The following CDH18 variants were observed in gnomAD, a reference collection of about 807,000 sequenced individuals.
CDH18 encodes the protein cadherin 18.
Under a neutral mutation model 67.9 loss-of-function variants are expected in CDH18, and 31 were observed. That is an observed-to-expected ratio of 0.46 (90% CI 0.34 to 0.62). The LOEUF (loss-of-function observed/expected upper bound fraction) is 0.62. CDH18 is among the 20% of genes least tolerant of loss of function. The pLI, the probability that CDH18 is intolerant of heterozygous loss-of-function variation, is 0.01. For synonymous variants in CDH18, 362 were observed against 347.2 expected, an observed-to-expected ratio of 1.04 and a Z score of -0.48; for missense variants, 890 against 975.5, an observed-to-expected ratio of 0.91 and a Z score of 1.17.
intron 5 of CDH18, among the ~76,000 whole-genome samples, chr5:19,697,065 A>C (rs1762628321): frequency 1.3e-5 from 2 of 152,204 alleles, no homozygotes; most frequent in African/African-American, 4.8e-5. Flanking sequence ...CTTATGAGTG[A>C]GTTTGCTTCT....
In CDH18 at chr5:20,052,870, CATGTATCTAATTTATACTTCAACA is replaced by C. The variant is rs368787542; in HGVS notation, c.-517-60880_-517-60857del. On this transcript the variant is annotated intron_variant, in intron 2 of 14. Transcript: ENST00000507958. ...TAAGATACTGCTCTTGGGGGAAAAT[CATGTATCTAATTTATACTTCAACA>C]ATCACATATGATGTTTCCTCCTTCT... Among the ~76,000 whole-genome samples the C allele has an allele frequency of 3.9e-5, 6 of 152,162 alleles. No homozygotes were observed. In the East Asian group the frequency reaches 1.2e-3, roughly 29 times the overall value.
chr5:20,136,349 G>T (rs1375609433), intron 2 of CDH18, among the ~76,000 whole-genome samples: 8 of 151,600 alleles, frequency 5.3e-5, no homozygotes, highest in Non-Finnish European at 1.0e-4. Flanking sequence ...TTATGTAATG[G>T]CCTTGTCTCT....
intron 2 of CDH18, among the ~76,000 whole-genome samples, chr5:20,195,710 G>A (rs1738919285): frequency 6.6e-6 from 1 of 151,796 alleles, no homozygotes; most frequent in African/African-American, 2.4e-5. Flanking sequence ...TTTTGATGGA[G>A]GATAATTATA....
At chr5:20,173,676 G>T (rs1031309652) in intron 2 of CDH18, among the ~76,000 whole-genome samples, 1 of 152,244 alleles carries the variant, frequency 6.6e-6, no homozygotes, top group Non-Finnish European at 1.5e-5. Flanking sequence ...CTTGAACAAA[G>T]ATGTTGAGTT....
chr5:19,589,005 T>G (rs924334539), intron 7 of CDH18, among the ~76,000 whole-genome samples: 1 of 151,978 alleles, frequency 6.6e-6, no homozygotes, highest in Non-Finnish European at 1.5e-5. Context: ...AGAAAAGTAA[T>G]AAAGATATTT....
At chr5:20,176,383 A>C (rs1254346580) in intron 2 of CDH18, among the ~76,000 whole-genome samples, 1 of 152,206 alleles carries the variant, frequency 6.6e-6, no homozygotes, top group Non-Finnish European at 1.5e-5. Flanking sequence ...CATAAAATAC[A>C]AATCAACCCT....
intron 2 of CDH18, among the ~76,000 whole-genome samples, chr5:20,203,167 A>G (rs557032577): frequency 7.9e-5 from 12 of 152,166 alleles, no homozygotes; most frequent in Non-Finnish European, 1.8e-4. Context: ...TGTGATGGAG[A>G]TGAACAATCA....
intron 2 of CDH18, among the ~76,000 whole-genome samples, chr5:20,046,629 T>C (rs1740914899): frequency 6.7e-6 from 1 of 148,338 alleles, no homozygotes; most frequent in South Asian, 2.1e-4. Context: ...ATATATAAAA[T>C]ATATAAAATA....
intron 3 of CDH18, among the ~76,000 whole-genome samples, chr5:19,783,850 C>A (rs1305177527): frequency 6.6e-6 from 1 of 152,106 alleles, no homozygotes; most frequent in East Asian, 1.9e-4. Context: ...ACAAACTCTT[C>A]ATGACTAGTA....
chr5:20,101,445 T>C (rs1746457037), intron 2 of CDH18, among the ~76,000 whole-genome samples: 1 of 152,110 alleles, frequency 6.6e-6, no homozygotes, highest in Non-Finnish European at 1.5e-5. Context: ...GAGACACAGA[T>C]AAATAATTAA....
intron 1 of CDH18, among the ~76,000 whole-genome samples, chr5:20,522,959 T>C (rs987313817): frequency 1.3e-5 from 2 of 152,208 alleles, no homozygotes; most frequent in African/African-American, 4.8e-5. Context: ...TCAAAATTCT[T>C]GCATTTTACT....
intron 1 of CDH18, among the ~76,000 whole-genome samples, chr5:20,405,931 C>G (rs1162316883): frequency 6.6e-6 from 1 of 152,122 alleles, no homozygotes; most frequent in Admixed American, 6.5e-5. Flanking sequence ...AGTCAGGAAA[C>G]AACAGGTGCT....
rs189490958 is a variant in CDH18, at chr5:20,523,697, G to A, written c.-580+51765C>T. Among the ~76,000 whole-genome samples the A allele has an allele frequency of 2.6e-4, 40 of 152,118 alleles. 1 individual carries two copies. The highest frequency in any genetic ancestry group is 7.5e-4 in the African/African-American group (31 of 41,514). Reference sequence around the variant, plus strand: ...CTGGGTTACAGGCATGTGCCAGCACGCCTGGCTAATTTTTGTATTTTTAGT... The same window carrying A: ...CTGGGTTACAGGCATGTGCCAGCACACCTGGCTAATTTTTGTATTTTTAGT... On this transcript the variant is annotated intron_variant, in intron 1 of 14. Transcript: ENST00000507958.
At chr5:20,250,446 C>A (rs943942507) in intron 2 of CDH18, among the ~76,000 whole-genome samples, 9 of 151,888 alleles carry the variant, frequency 5.9e-5, no homozygotes, top group Admixed American at 5.2e-4. Flanking sequence ...GCGCCCGCCA[C>A]CACGCCCAGT....
At chr5:20,300,726 T>C (rs1214069135) in intron 1 of CDH18, among the ~76,000 whole-genome samples, 1 of 152,184 alleles carries the variant, frequency 6.6e-6, no homozygotes. Flanking sequence ...TTTGAACTGC[T>C]CCTTGCTAAA....
chr5:19,576,351 A>T lies in CDH18; in HGVS notation c.1000-4519T>A, dbSNP rs543167233. Among the ~76,000 whole-genome samples, 4 of 152,204 alleles carry T rather than the reference A, an allele frequency of 2.6e-5. 1 individual carries two copies. The South Asian group carries it at 8.3e-4, about 32-fold the overall frequency. On this transcript the variant is annotated intron_variant, in intron 7 of 12. Transcript: ENST00000382275. ...AATATTTGAAAATTGTACATCGGATAAGGGCCAATATCCAAAATAATGAAG... is the reference window on the plus strand; with the variant it reads ...AATATTTGAAAATTGTACATCGGATTAGGGCCAATATCCAAAATAATGAAG...
intron 2 of CDH18, among the ~76,000 whole-genome samples, chr5:20,151,888 T>C (rs902655134): frequency 6.6e-6 from 1 of 151,696 alleles, no homozygotes; most frequent in Non-Finnish European, 1.5e-5. Context: ...AATGATTAAA[T>C]TTTTTCTATA....
At chr5:19,492,428 A>G (rs1005328624) in intron 11 of CDH18, among the ~76,000 whole-genome samples, 7 of 152,184 alleles carry the variant, frequency 4.6e-5, no homozygotes, top group Non-Finnish European at 7.4e-5. Context: ...TCATAAATTT[A>G]GTAATAATAT....
At chr5:20,068,917 A>G (rs887367075) in intron 2 of CDH18, among the ~76,000 whole-genome samples, 4 of 152,184 alleles carry the variant, frequency 2.6e-5, no homozygotes, top group Admixed American at 2.0e-4. Context: ...AAATAAAAAC[A>G]AATTTACTAA....
Sources: allele counts gnomAD v4.1 joint callset (sites outside exome capture counted in the v4.1 genomes callset), GRCh38; gene constraint gnomAD v4.1.1; transcripts MANE v1.5; gene names NCBI Gene and HGNC (gene_info 2026-07-23, HGNC 2026-07-21).